SUGCT: variants seen among roughly 807,000 people sequenced by gnomAD.
The protein encoded by SUGCT is succinyl-CoA:glutarate-CoA transferase, also known as succinyl-CoA:glutarate CoA-transferase.
SUGCT carries 41 observed loss-of-function variants against 55.0 expected under a neutral mutation model. The observed-to-expected ratio is 0.74, with a 90% CI of 0.58 to 0.97. The LOEUF (loss-of-function observed/expected upper bound fraction) is 0.97. Ranked by LOEUF, SUGCT falls within the 50% of genes least tolerant of loss-of-function variation. SUGCT has a pLI of 0.00. For missense variants in SUGCT, 568 were observed against 547.8 expected, an observed-to-expected ratio of 1.04 and a Z score of -0.37; for synonymous variants, 187 against 200.4, an observed-to-expected ratio of 0.93 and a Z score of 0.56.
chr7:41,014,873 T>C, the SUGCT span, among the ~76,000 whole-genome samples: 1 of 152,266 alleles, frequency 6.6e-6, no homozygotes, highest in Admixed American at 6.5e-5. Context: ...ATTTACAGTA[T>C]CTAGATGAAT....
intron 9 of SUGCT, among the ~76,000 whole-genome samples, chr7:40,383,435 C>T (rs1784968587): frequency 6.6e-6 from 1 of 152,150 alleles, no homozygotes; most frequent in South Asian, 2.1e-4. Flanking sequence ...AGAACAAAAA[C>T]GGACTTAACT....
intron 9 of SUGCT, among the ~76,000 whole-genome samples, chr7:40,429,457 G>A (rs1436816298): frequency 6.6e-6 from 1 of 152,166 alleles, no homozygotes; most frequent in Non-Finnish European, 1.5e-5. Context: ...GAGCAAGGAA[G>A]CCAGTTCAAG....
chr7:40,825,730 G>A (rs747846831), intron 13 of SUGCT, among the ~76,000 whole-genome samples: 3 of 151,962 alleles, frequency 2.0e-5, no homozygotes, highest in Admixed American at 6.6e-5. Flanking sequence ...GCCATCCGAC[G>A]GTCCAAACAG....
intron 13 of SUGCT, among the ~76,000 whole-genome samples, chr7:40,838,104 G>A (rs1218885369): frequency 6.6e-6 from 1 of 152,158 alleles, no homozygotes; most frequent in Admixed American, 6.5e-5. Flanking sequence ...CTGTTCCATT[G>A]ACTGAGATTT....
intron 12 of SUGCT, among the ~76,000 whole-genome samples, chr7:40,654,978 A>T (rs1800947652): frequency 1.3e-5 from 2 of 152,214 alleles, no homozygotes; most frequent in Admixed American, 1.3e-4. Flanking sequence ...AAGGCAATTA[A>T]AACAACCAAT....
At chr7:40,466,926 G>A (rs985968552) in intron 11 of SUGCT, among the ~76,000 whole-genome samples, 2 of 152,052 alleles carry the variant, frequency 1.3e-5, no homozygotes, top group African/African-American at 4.8e-5. Flanking sequence ...CAGACGGGCC[G>A]GGCACGGTGG....
intron 8 of SUGCT, among the ~76,000 whole-genome samples, chr7:40,289,695 A>G (rs1202361104): frequency 2.6e-5 from 4 of 152,088 alleles, no homozygotes; most frequent in African/African-American, 9.7e-5. Flanking sequence ...TATTCAATTA[A>G]GAAAAGAGGA....
At chr7:40,461,024 T>A (rs367736216) in intron 11 of SUGCT, among the ~76,000 whole-genome samples, 11 of 152,278 alleles carry the variant, frequency 7.2e-5, no homozygotes, top group African/African-American at 2.6e-4. Flanking sequence ...TTTTGTGCTC[T>A]CTTCTGCTAG....
intron 9 of SUGCT, among the ~76,000 whole-genome samples, chr7:40,423,367 A>T (rs1787415013): frequency 6.6e-6 from 1 of 152,194 alleles, no homozygotes; most frequent in South Asian, 2.1e-4. Context: ...CTGAAATCAT[A>T]GACTATTTTA....
intron 12 of SUGCT, among the ~76,000 whole-genome samples, chr7:40,542,969 G>A (rs1794780557): frequency 6.6e-6 from 1 of 152,140 alleles, no homozygotes; most frequent in Non-Finnish European, 1.5e-5. Flanking sequence ...TTGCTTCATC[G>A]GCTAGGTGAA....
intron 9 of SUGCT, among the ~76,000 whole-genome samples, chr7:40,329,516 G>A (rs1796195674): frequency 6.6e-6 from 1 of 152,154 alleles, no homozygotes; most frequent in South Asian, 2.1e-4. Flanking sequence ...CACCTGGAAA[G>A]TATTTACTCT....
chr7:40,842,699 A>G lies in SUGCT; in HGVS notation c.1154-17617A>G, dbSNP rs1793335899. ...TCACAGAACTTAAAATTGTTCTTGA[A>G]CACCTGTTTTTATCCAACTTATAAA... On this transcript the variant is annotated intron_variant, in intron 13 of 13. Transcript: ENST00000335693. Among the ~76,000 whole-genome samples the G allele has an allele frequency of 2.0e-5, 3 of 152,210 alleles. No individual in the cohort carries two copies. In the South Asian group the frequency reaches 6.2e-4, roughly 31 times the overall value.
chr7:40,508,170 A>C (rs1792712997), intron 12 of SUGCT, among the ~76,000 whole-genome samples: 1 of 152,152 alleles, frequency 6.6e-6, no homozygotes, highest in Non-Finnish European at 1.5e-5. Context: ...TCCTGCTCTA[A>C]GAGTGAGAAC....
the SUGCT span, among the ~76,000 whole-genome samples, chr7:40,997,642 G>A: frequency 6.6e-6 from 1 of 152,070 alleles, no homozygotes. Flanking sequence ...CTTCTCAAAC[G>A]CATCACCCTG....
At chr7:40,640,474 A>G (rs1800221471) in intron 12 of SUGCT, among the ~76,000 whole-genome samples, 2 of 152,196 alleles carry the variant, frequency 1.3e-5, no homozygotes, top group Non-Finnish European at 2.9e-5. Context: ...TGGCTGCTGT[A>G]TTGGTAGACT....
At chr7:40,581,969 G>C (rs1797119335) in intron 12 of SUGCT, among the ~76,000 whole-genome samples, 1 of 152,046 alleles carries the variant, frequency 6.6e-6, no homozygotes, top group African/African-American at 2.4e-5. Context: ...ACAGAGAAAG[G>C]AAACATAAAA....
At chr7:41,038,416 C>T in the SUGCT span, among the ~76,000 whole-genome samples, 119 of 152,374 alleles carry the variant, frequency 7.8e-4, no homozygotes, top group African/African-American at 2.6e-3. Context: ...AGGCTCCCAT[C>T]TCTGTCCATT....
intron 12 of SUGCT, among the ~76,000 whole-genome samples, chr7:40,669,429 G>A (rs1801824043): frequency 6.8e-6 from 1 of 146,186 alleles, no homozygotes; most frequent in South Asian, 2.1e-4. Context: ...ACACTCAATA[G>A]ATGCCAACAG....
the SUGCT span, among the ~76,000 whole-genome samples, chr7:40,930,414 G>T: frequency 1.3e-5 from 2 of 151,978 alleles, no homozygotes; most frequent in African/African-American, 4.8e-5. Flanking sequence ...GCTCTTTTTT[G>T]GTTCTATATG....
Sources: allele counts gnomAD v4.1 joint callset (sites outside exome capture counted in the v4.1 genomes callset), GRCh38; gene constraint gnomAD v4.1.1; transcripts MANE v1.5; gene names NCBI Gene and HGNC (gene_info 2026-07-23, HGNC 2026-07-21).